CHN1: variants seen among roughly 807,000 people sequenced by gnomAD.
CHN1 encodes chimerin 1, also known as N-chimaerin.
CHN1 carries 37 observed loss-of-function variants against 59.5 expected under a neutral mutation model. The ratio of observed to expected loss-of-function variants is 0.62; its 90% CI spans 0.48 to 0.82. The LOEUF (loss-of-function observed/expected upper bound fraction) is 0.82, where lower values mean the gene tolerates loss of function less well. Among genes scored for constraint, CHN1 ranks in the 40% least tolerant of loss-of-function variants. CHN1 has a pLI of 0.00. For missense variants in CHN1, 469 were observed against 571.0 expected (o/e 0.82, Z 1.82); for synonymous variants, 206 against 200.4 (o/e 1.03, Z -0.24).
intron 6 of CHN1, chr2:174,847,214 C>G (rs14228): frequency 6.8e-7 from 1 of 1,463,714 alleles, no homozygotes; most frequent in Non-Finnish European, 9.0e-7. Context: ...AGCATTCTGC[C>G]AGGCAGCACA....
intron 5 of CHN1, among the ~76,000 whole-genome samples, chr2:174,882,408 C>T (rs1687764353): frequency 6.6e-6 from 1 of 152,024 alleles, no homozygotes; most frequent in South Asian, 2.1e-4. Context: ...CTTAATATAC[C>T]ATCTTTTCTA....
rs1243967622 is a variant in CHN1, at chr2:174,840,330, A to C, written c.627+6550T>G. The stretch of plus-strand genomic sequence containing the variant: ...CAGGTGCACAATATCATACCCAGCT[A>C]ATGTTTTAAATTTTTTGTAAAGACA... On this transcript the variant is annotated intron_variant, in intron 7 of 12. Coordinates refer to ENST00000409900, the MANE Select transcript of CHN1 (RefSeq NM_001822.7). Among the ~76,000 whole-genome samples, 15 of 151,786 alleles carry C rather than the reference A, an allele frequency of 9.9e-5. No homozygotes were observed. In the East Asian group the frequency reaches 2.7e-3, roughly 28 times the overall value.
intron 7 of CHN1, among the ~76,000 whole-genome samples, chr2:174,833,464 C>A (rs1247147858): frequency 6.6e-6 from 1 of 152,128 alleles, no homozygotes; most frequent in Non-Finnish European, 1.5e-5. Context: ...TGTCGCTCCA[C>A]TGTCTTGCAT....
At chr2:174,894,761 C>T (rs1688158940) in intron 5 of CHN1, among the ~76,000 whole-genome samples, 1 of 152,050 alleles carries the variant, frequency 6.6e-6, no homozygotes, top group South Asian at 2.1e-4. Context: ...AAATGTGGTA[C>T]AGTAGTCCAC....
chr2:174,985,736 A>C (rs1490237801), intron 1 of CHN1, among the ~76,000 whole-genome samples: 4 of 152,190 alleles, frequency 2.6e-5, no homozygotes, highest in Admixed American at 2.6e-4. Flanking sequence ...TGTTAAATTG[A>C]AGCTCATCAA....
rs767352096 is a variant in CHN1, at chr2:174,952,190, T to C, written c.32A>G (p.Tyr11Cys). The change falls in exon 2 of 13, where the codon TAT (tyrosine) becomes TGT (cysteine). Residue 11 changes from tyrosine to cysteine, a missense_variant. This residue lies in a region of CHN1 where 152 missense variants were observed against 166.1 expected (regional missense o/e 0.92). Transcript: ENST00000409900. ...GTAAGATTTCCAAACAGGAGGTCTA[T>C]ATTCATCTGTATCTGAAAGAAAAAA... MALTLFDTDEYRPPVWKSYLY... is the reference protein window; with the variant it reads MALTLFDTDECRPPVWKSYLY... 1 of 1,462,648 alleles carries C rather than the reference T, an allele frequency of 6.8e-7. No homozygotes were observed. Among genetic ancestry groups the C allele is most frequent in the Middle Eastern group, 1.8e-4 (1 of 5,622 alleles). 90.6% of individuals were successfully genotyped at this position (1,462,648 alleles called of 1,614,324 possible).
intron 3 of CHN1, among the ~76,000 whole-genome samples, chr2:174,930,757 T>C (rs1013383237): frequency 3.3e-5 from 5 of 152,030 alleles, no homozygotes; most frequent in African/African-American, 1.2e-4. Context: ...TATAGGAATT[T>C]ACTATAGCTG....
chr2:174,841,588 G>A (rs749771581), intron 7 of CHN1, among the ~76,000 whole-genome samples: 1 of 152,132 alleles, frequency 6.6e-6, no homozygotes, highest in African/African-American at 2.4e-5. Flanking sequence ...GGCCCACATT[G>A]AGAACTGGGG....
chr2:174,970,623 T>C (rs1690728891), intron 1 of CHN1, among the ~76,000 whole-genome samples: 1 of 152,228 alleles, frequency 6.6e-6, no homozygotes, highest in African/African-American at 2.4e-5. Context: ...AATCAATGAA[T>C]ATTTTTGAAA....
chr2:174,958,285 G>A (rs1690281023), intron 1 of CHN1, among the ~76,000 whole-genome samples: 1 of 152,164 alleles, frequency 6.6e-6, no homozygotes, highest in Non-Finnish European at 1.5e-5. Flanking sequence ...TCTTCCCCTG[G>A]CTGATTTTAA....
intron 3 of CHN1, among the ~76,000 whole-genome samples, chr2:174,944,413 A>G (rs1689765591): frequency 6.6e-6 from 1 of 152,174 alleles, no homozygotes; most frequent in African/African-American, 2.4e-5. Context: ...CTGTATTTTA[A>G]TTGGCATTTC....
intron 7 of CHN1, among the ~76,000 whole-genome samples, chr2:174,827,931 G>A (rs1430344598): frequency 6.6e-6 from 1 of 152,136 alleles, no homozygotes; most frequent in Non-Finnish European, 1.5e-5. Flanking sequence ...GGGGAAGGCT[G>A]ACTCATAAGA....
At chr2:174,930,911 A>G (rs945573355) in intron 3 of CHN1, among the ~76,000 whole-genome samples, 3 of 152,018 alleles carry the variant, frequency 2.0e-5, no homozygotes, top group African/African-American at 7.2e-5. Context: ...GACTACAGGC[A>G]TGCACCACCT....
chr2:174,895,405 T>C (rs529272875), intron 5 of CHN1, among the ~76,000 whole-genome samples: 2 of 151,996 alleles, frequency 1.3e-5, no homozygotes, highest in Non-Finnish European at 2.9e-5. Flanking sequence ...AGTAGAATGG[T>C]GGCTGCTATG....
chr2:174,830,739 G>C (rs1685852735), intron 7 of CHN1, among the ~76,000 whole-genome samples: 1 of 152,200 alleles, frequency 6.6e-6, no homozygotes, highest in African/African-American at 2.4e-5. Context: ...ACAGGAGTGA[G>C]GGAGGCACTA....
At chr2:174,912,948 C>T (rs1277284011) in intron 5 of CHN1, among the ~76,000 whole-genome samples, 1 of 152,054 alleles carries the variant, frequency 6.6e-6, no homozygotes, top group Admixed American at 6.5e-5. Context: ...GAAACATTTC[C>T]ATCAAGATTT....
intron 3 of CHN1, among the ~76,000 whole-genome samples, chr2:174,921,253 G>T (rs1312124725): frequency 6.6e-6 from 1 of 152,194 alleles, no homozygotes; most frequent in East Asian, 1.9e-4. Context: ...AGTGCCTTTT[G>T]TCTGAGCTAT....
chr2:174,920,464 C>CA (rs1255003665), intron 3 of CHN1, among the ~76,000 whole-genome samples: 1 of 152,016 alleles, frequency 6.6e-6, no homozygotes. Context: ...GATTCTTACT[C>CA]AAAAATGGCA....
At chr2:174,859,018 C>CACA (rs1686991818) in intron 6 of CHN1, among the ~76,000 whole-genome samples, 1 of 82,064 alleles carries the variant, frequency 1.2e-5, no homozygotes, top group Non-Finnish European at 2.6e-5. Flanking sequence ...ACACACAAAA[C>CACA]CAAACAAACA....
Sources: gnomAD v4.1 joint callset for allele counts (sites outside exome capture counted in the v4.1 genomes callset) on GRCh38, gnomAD v4.1.1 for gene constraint, gnomAD v4.1.1 regional missense constraint, MANE v1.5 for transcripts, NCBI Gene and HGNC (gene_info 2026-07-23, HGNC 2026-07-21) for gene names.